WASHC4: variants seen among roughly 807,000 people sequenced by gnomAD.
WASHC4 encodes WASH complex subunit 4.
A neutral mutation model predicts 166.6 loss-of-function variants in WASHC4; 86 were observed. The ratio of observed to expected loss-of-function variants is 0.52; its 90% confidence interval spans 0.43 to 0.62. The LOEUF (loss-of-function observed/expected upper bound fraction) is 0.62, where lower values mean the gene tolerates loss of function less well. WASHC4 is among the 20% of genes least tolerant of loss of function. The probability of loss-of-function intolerance (pLI) is 0.00; values close to 1 mark genes in which losing one functional copy is unlikely to be tolerated. For synonymous variants in WASHC4, 446 were observed against 451.6 expected, an observed-to-expected ratio of 0.99 and a Z score of 0.16; for missense variants, 1,262 against 1,382.4, an observed-to-expected ratio of 0.91 and a Z score of 1.38.
At chr12:105,115,036 G>C (rs1173381887) in intron 4 of WASHC4, 148 bp from the exon 5 acceptor site, 3 of 565,554 alleles carry the variant, frequency 5.3e-6, no homozygotes, top group Non-Finnish European at 9.6e-6. Flanking sequence ...AAGATGAATT[G>C]CTTTATAAAC....
intron 6 of WASHC4, among the ~76,000 whole-genome samples, chr12:105,117,076 A>G (rs1329597838): frequency 6.6e-6 from 1 of 152,190 alleles, no homozygotes; most frequent in African/African-American, 2.4e-5. Flanking sequence ...TAGAATTGTT[A>G]ATCATTCCTG....
chr12:105,127,322 TTAGA>T (rs1354669884), intron 13 of WASHC4, 33 bp downstream of exon 13: 3 of 1,379,592 alleles, frequency 2.2e-6, no homozygotes, highest in Non-Finnish European at 2.1e-6. Flanking sequence ...ATGAAAATAT[TTAGA>T]TATCCTTTAT....
chr12:105,112,595 A>G (rs1879801413), intron 2 of WASHC4, among the ~76,000 whole-genome samples: 1 of 152,050 alleles, frequency 6.6e-6, no homozygotes, highest in Admixed American at 6.5e-5. Flanking sequence ...TGTCTTGATT[A>G]TATTCTTCCT....
At chr12:105,114,756 C>A (rs1292492265) in intron 4 of WASHC4, among the ~76,000 whole-genome samples, 2 of 151,984 alleles carry the variant, frequency 1.3e-5, no homozygotes, top group Admixed American at 6.6e-5. Flanking sequence ...TGTTACCTGC[C>A]ATATATACTG....
At chr12:105,131,082 AT>A (rs910009603) in intron 13 of WASHC4, among the ~76,000 whole-genome samples, 52 of 148,714 alleles carry the variant, frequency 3.5e-4, no homozygotes, top group Admixed American at 6.7e-4. Context: ...TTATTTATTT[AT>A]TTTTTTTTTT....
chr12:105,126,244 C>T lies in WASHC4; in HGVS notation c.920C>T (p.Ser307Phe). The T allele has an allele frequency of 2.5e-6, 4 of 1,612,630 alleles. No homozygotes were observed. The highest frequency in any genetic ancestry group is 2.2e-5 in the South Asian group (2 of 91,050). Residue 307 changes from serine to phenylalanine, a missense_variant, in exon 12 of 33, where the codon TCT becomes TTT. Coordinates refer to ENST00000332180, the MANE Select transcript of WASHC4 (RefSeq NM_015275.3). The stretch of plus-strand genomic sequence containing the variant: ...GTTATTGATTTGTAAGGAGAACCTT[C>T]TGAAATTGACCAGAGAGACAAGTAT... ...ANVEAKLGEP[S>F]EIDQRDKYVG...
chr12:105,150,887 G>A (rs1883704313), intron 25 of WASHC4, among the ~76,000 whole-genome samples: 1 of 151,822 alleles, frequency 6.6e-6, no homozygotes, highest in Non-Finnish European at 1.5e-5. Context: ...ACAACCATCA[G>A]ATCTTGTGAG....
chr12:105,162,112 A>G (rs566705426), intron 29 of WASHC4, among the ~76,000 whole-genome samples: 52 of 152,320 alleles, frequency 3.4e-4, no homozygotes, highest in African/African-American at 1.2e-3. Context: ...CTAGATAGAA[A>G]TCATTTGTTT....
At chr12:105,125,443 C>G (rs538200150) in intron 10 of WASHC4, among the ~76,000 whole-genome samples, 1 of 152,168 alleles carries the variant, frequency 6.6e-6, no homozygotes, top group East Asian at 1.9e-4. Context: ...CAACAGTGTG[C>G]TATTACTAGT....
At position 105,127,204 on chromosome 12, in the gene WASHC4, G is replaced by A; in HGVS notation, c.1114G>A (p.Ala372Thr). ...TCTGATCCAGAAAATACCAGCAGCT[G>A]CCAAACTGCTAGACAGAAAAAGTCT... ...NFLIQKIPAA[A>T]KLLDRKSLQA... Residue 372 changes from alanine to threonine, a missense_variant, in exon 13 of 33, where the codon GCC becomes ACC. Physicochemically the swap from Ala to Thr is moderately conservative, Grantham distance 58. Transcript: ENST00000332180. 6.2e-7 allele frequency: 1 copy of A among 1,610,568 alleles called. No homozygotes were observed. Among genetic ancestry groups the A allele is most frequent in the Middle Eastern group, 1.7e-4 (1 of 6,054 alleles).
intron 14 of WASHC4, among the ~76,000 whole-genome samples, chr12:105,136,575 T>C (rs749574487): frequency 6.6e-5 from 10 of 152,186 alleles, no homozygotes; most frequent in Non-Finnish European, 1.3e-4. Flanking sequence ...TGAGCTAATA[T>C]GGGCCCTGGA....
Position 105,168,131 on chromosome 12 carries a change from T to A in WASHC4, c.*1200T>A, listed in dbSNP as rs1884903088. The stretch of plus-strand genomic sequence containing the variant: ...TGCATTTGTCTGCTAAACATTTCTT[T>A]GGATAAATCCTGCAAATACTTCTAA... On this transcript the variant is annotated 3_prime_UTR_variant, in exon 33 of 33. Transcript: ENST00000332180. 1 of 152,144 alleles carries A rather than the reference T, an allele frequency of 6.6e-6. No individual in the cohort carries two copies. Among genetic ancestry groups the A allele is most frequent in the Non-Finnish European group, 1.5e-5 (1 of 67,954 alleles). 9.4% of individuals were successfully genotyped at this position (152,144 alleles called of 1,614,324 possible). A position where few individuals can be genotyped will look rare whatever the true frequency, so the allele number is the denominator to read the frequency against.
In WASHC4 at chr12:105,164,107, G is replaced by T. The variant is rs762340924; in HGVS notation, c.3158-4G>T. Reference sequence around the variant, plus strand: ...TTTAACCTTAGTTTTGCTTATGCCTGCAGGTGTGGCTTACATTCTAAAGCT... The same window carrying T: ...TTTAACCTTAGTTTTGCTTATGCCTTCAGGTGTGGCTTACATTCTAAAGCT... On this transcript the variant is annotated splice_region_variant and splice_polypyrimidine_tract_variant and intron_variant, in intron 30 of 32. Transcript: ENST00000332180. 3.1e-6 allele frequency: 5 copies of T among 1,613,858 alleles called. No individual in the cohort carries two copies. Among genetic ancestry groups the T allele is most frequent in the East Asian group, 4.5e-5 (2 of 44,876 alleles).
rs1351499246 is a variant in WASHC4 at position 105,146,581 on chromosome 12, G to C, written c.2409+55G>C. On this transcript the variant is annotated intron_variant, in intron 23 of 32. Coordinates refer to ENST00000332180, the MANE Select transcript of WASHC4 (RefSeq NM_015275.3). ...TAATGTAGGTGGAGATAGTTGGAAG[G>C]CTGAGGGGCAAGGAATTGATTTTTA... 9 of 927,020 alleles carry C rather than the reference G, an allele frequency of 9.7e-6. No individual in the cohort carries two copies. In the East Asian group the frequency reaches 1.7e-4, roughly 17 times the overall value. 57.4% of individuals were successfully genotyped at this position (927,020 alleles called of 1,614,324 possible). A position where few individuals can be genotyped will look rare whatever the true frequency, so the allele number is the denominator to read the frequency against.
chr12:105,110,146 G>A (rs1268657884), intron 1 of WASHC4, among the ~76,000 whole-genome samples: 1 of 152,138 alleles, frequency 6.6e-6, no homozygotes, highest in Non-Finnish European at 1.5e-5. Flanking sequence ...AAACCTTAAT[G>A]AACTAAATGG....
chr12:105,109,669 T>TTTTTTTC (rs1416228518), intron 1 of WASHC4, among the ~76,000 whole-genome samples: 1 of 149,758 alleles, frequency 6.7e-6, no homozygotes, highest in Non-Finnish European at 1.5e-5. Context: ...TTTTTTTTTT[T>TTTTTTTC]TCGAGACAAG....
intron 6 of WASHC4, among the ~76,000 whole-genome samples, chr12:105,116,380 C>G (rs1880183279): frequency 6.6e-6 from 1 of 152,056 alleles, no homozygotes; most frequent in African/African-American, 2.4e-5. Flanking sequence ...TATATCTTTA[C>G]TACTTTTTTT....
rs930568702 is a variant in WASHC4 at position 105,168,378 on chromosome 12, A to G, written c.*1447A>G. 6.6e-6 allele frequency: 1 copy of G among 152,544 alleles called. No homozygotes were observed. The highest frequency in any genetic ancestry group is 1.5e-5 in the Non-Finnish European group (1 of 67,938). 9.4% of individuals were successfully genotyped at this position (152,544 alleles called of 1,614,324 possible). ...AGGCATTTAATATTTGTAATTCATA[A>G]TAACTGTAGAAATGGCCCTAAAGCA... On this transcript the variant is annotated 3_prime_UTR_variant, in exon 33 of 33. Transcript: ENST00000332180.
intron 25 of WASHC4, among the ~76,000 whole-genome samples, chr12:105,150,763 G>A (rs113341311): frequency 0.19 from 28,644 of 152,098 alleles, 2,835 homozygotes; most frequent in East Asian, 0.28. Context: ...AGGTTTAATT[G>A]ACTCACAGTT....
Sources: gnomAD v4.1 joint callset for allele counts (sites outside exome capture counted in the v4.1 genomes callset) on GRCh38, gnomAD v4.1.1 for gene constraint, MANE v1.5 for transcripts, NCBI Gene and HGNC (gene_info 2026-07-23, HGNC 2026-07-21) for gene names.